Variants in CHRM3 observed in about 807,000 individuals in gnomAD.
CHRM3 encodes the protein cholinergic receptor muscarinic 3.
Under a neutral mutation model 41.8 loss-of-function variants are expected in CHRM3, and 11 were observed. The observed-to-expected ratio is 0.26, with a 90% CI of 0.17 to 0.44. The LOEUF is 0.44. Among genes scored for constraint, CHRM3 ranks in the 20% least tolerant of loss-of-function variants. The pLI is 1.00. For synonymous variants in CHRM3, 297 were observed against 301.4 expected, an observed-to-expected ratio of 0.99 and a Z score of 0.15; for missense variants, 571 against 745.4, an observed-to-expected ratio of 0.77 and a Z score of 2.72.
intron 1 of CHRM3, among the ~76,000 whole-genome samples, chr1:239,435,243 A>G (rs962133291): frequency 3.3e-5 from 5 of 152,048 alleles, no homozygotes; most frequent in African/African-American, 1.2e-4. Flanking sequence ...CGAGGTCAGG[A>G]GTTTGAGACC....
At chr1:239,816,542 G>A (rs149150967) in intron 5 of CHRM3, among the ~76,000 whole-genome samples, 9 of 152,206 alleles carry the variant, frequency 5.9e-5, no homozygotes, top group Non-Finnish European at 1.2e-4. Context: ...AACAAGCTCA[G>A]AATGTTGCTC....
intron 3 of CHRM3, among the ~76,000 whole-genome samples, chr1:239,610,190 C>A (rs1158101918): frequency 6.2e-4 from 48 of 77,878 alleles, no homozygotes; most frequent in South Asian, 1.3e-3. Flanking sequence ...AAGACTCTGT[C>A]AAAAAAAAAA....
intron 3 of CHRM3, among the ~76,000 whole-genome samples, chr1:239,585,344 T>C (rs1663301124): frequency 6.6e-6 from 1 of 151,974 alleles, no homozygotes; most frequent in Admixed American, 6.6e-5. Context: ...TAGGTGTGAG[T>C]TGAGATATGT....
intron 3 of CHRM3, among the ~76,000 whole-genome samples, chr1:239,615,089 G>A (rs1263440159): frequency 6.6e-6 from 1 of 151,358 alleles, no homozygotes; most frequent in African/African-American, 2.5e-5. Flanking sequence ...AAAAGGATGC[G>A]GGAGGTCAGG....
intron 3 of CHRM3, among the ~76,000 whole-genome samples, chr1:239,562,908 A>AT (rs1490726202): frequency 6.6e-6 from 1 of 150,642 alleles, no homozygotes; most frequent in Non-Finnish European, 1.5e-5. Context: ...AAAAAAAAAA[A>AT]GGTGTTATTC....
chr1:239,658,823 C>T (rs1304643443), intron 4 of CHRM3, among the ~76,000 whole-genome samples: 1 of 151,934 alleles, frequency 6.6e-6, no homozygotes, highest in Non-Finnish European at 1.5e-5. Context: ...ACTGCAACCT[C>T]CACCTCCCGG....
intron 5 of CHRM3, among the ~76,000 whole-genome samples, chr1:239,753,918 A>G (rs980615504): frequency 3.9e-5 from 6 of 152,208 alleles, no homozygotes; most frequent in Non-Finnish European, 5.9e-5. Context: ...TTCTTCCAAC[A>G]TCGTCAATCA....
intron 1 of CHRM3, among the ~76,000 whole-genome samples, chr1:239,483,464 G>T (rs1009007617): frequency 3.3e-5 from 5 of 152,214 alleles, no homozygotes; most frequent in African/African-American, 1.2e-4. Context: ...AGCTCAAGGA[G>T]CCTAAGATGG....
intron 1 of CHRM3, among the ~76,000 whole-genome samples, chr1:239,429,682 C>T (rs1294149418): frequency 2.0e-5 from 3 of 151,764 alleles, no homozygotes; most frequent in East Asian, 1.9e-4. Flanking sequence ...TTTTTCATGT[C>T]GGGTATTTTT....
At chr1:239,753,076 A>G (rs1035146532) in intron 5 of CHRM3, among the ~76,000 whole-genome samples, 3 of 152,234 alleles carry the variant, frequency 2.0e-5, no homozygotes, top group Non-Finnish European at 4.4e-5. Context: ...CTGCAAAGAC[A>G]TAAACTACTA....
chr1:239,700,672 T>C (rs1168665217), intron 5 of CHRM3, among the ~76,000 whole-genome samples: 1 of 152,222 alleles, frequency 6.6e-6, no homozygotes, highest in Non-Finnish European at 1.5e-5. Context: ...GTCATGCACC[T>C]GTAGCCCGCA....
chr1:239,739,702 C>A (rs2148484878), intron 5 of CHRM3, among the ~76,000 whole-genome samples: 1 of 151,886 alleles, frequency 6.6e-6, no homozygotes, highest in Admixed American at 6.5e-5. Flanking sequence ...GTTTTAAAAA[C>A]TAAACTAGAA....
At chr1:239,813,895 C>T (rs491905) in intron 5 of CHRM3, among the ~76,000 whole-genome samples, 128,871 of 133,942 alleles carry the variant, frequency 0.96, 62,052 homozygotes, top group East Asian at 0.99. Context: ...CCAGCCTGGG[C>T]GACAGAGCGA....
intron 5 of CHRM3, among the ~76,000 whole-genome samples, chr1:239,712,222 T>A (rs571623738): frequency 6.6e-6 from 1 of 152,314 alleles, no homozygotes; most frequent in South Asian, 2.1e-4. Flanking sequence ...GTTATCTTGG[T>A]CCCCGATCAA....
chr1:239,604,036 TA>T (rs898454865), intron 3 of CHRM3, among the ~76,000 whole-genome samples: 1 of 152,180 alleles, frequency 6.6e-6, no homozygotes, highest in Non-Finnish European at 1.5e-5. Context: ...AGGGGATTCA[TA>T]AAATGTGTAT....
chr1:239,442,591 G>A (rs977539239), intron 1 of CHRM3, among the ~76,000 whole-genome samples: 1 of 152,110 alleles, frequency 6.6e-6, no homozygotes, highest in African/African-American at 2.4e-5. Context: ...GGGGAATTTG[G>A]ATCAGACTCT....
chr1:239,905,730 T>G (rs1572652556), intron 6 of CHRM3, among the ~76,000 whole-genome samples: 1 of 152,096 alleles, frequency 6.6e-6, no homozygotes, highest in African/African-American at 2.4e-5. Context: ...AGATAATGCA[T>G]ATGATGCATT....
At chr1:239,401,702 A>T (rs1338375161) in intron 1 of CHRM3, among the ~76,000 whole-genome samples, 1 of 152,150 alleles carries the variant, frequency 6.6e-6, no homozygotes, top group Non-Finnish European at 1.5e-5. Flanking sequence ...CATGTTGGCC[A>T]GGATGGTCTC....
At chr1:239,474,536 A>G (rs1039883978) in intron 1 of CHRM3, among the ~76,000 whole-genome samples, 2 of 152,134 alleles carry the variant, frequency 1.3e-5, no homozygotes, top group African/African-American at 2.4e-5. Flanking sequence ...TGCCACCAGC[A>G]TGTGGAATAG....
Sources: allele counts gnomAD v4.1 joint callset (sites outside exome capture counted in the v4.1 genomes callset), GRCh38; gene constraint gnomAD v4.1.1; transcripts MANE v1.5; gene names NCBI Gene and HGNC (gene_info 2026-07-23, HGNC 2026-07-21).